The following RALB variants were observed in gnomAD, a reference collection of about 807,000 sequenced individuals.
RALB encodes ras-related protein Ral-B.
RALB carries 16 observed loss-of-function variants against 21.3 expected under a neutral mutation model. The ratio of observed to expected loss-of-function variants is 0.75; its 90% CI spans 0.51 to 1.14. RALB has a LOEUF of 1.14. Ranked by LOEUF, RALB falls within the 50% of genes most tolerant of loss-of-function variation. RALB has a pLI of 0.00. For missense variants in RALB, 161 were observed against 256.2 expected (o/e 0.63, Z 2.54); for synonymous variants, 93 against 96.1 (o/e 0.97, Z 0.19).
rs766337299 is a variant in RALB at position 120,293,552 on chromosome 2, A to G, written c.*292A>G. On this transcript the variant is annotated 3_prime_UTR_variant, in exon 5 of 5. Coordinates refer to ENST00000272519, the MANE Select transcript of RALB (RefSeq NM_002881.3). Reference sequence around the variant, plus strand: ...TGCCACAGATAGGAAACAGCTGTTAATTACAAAGAGAAAGAATTGTCATAG... The same window carrying G: ...TGCCACAGATAGGAAACAGCTGTTAGTTACAAAGAGAAAGAATTGTCATAG... The G allele has an allele frequency of 3.1e-5, 6 of 191,976 alleles. No individual in the cohort carries two copies. The highest frequency in any genetic ancestry group is 6.3e-5 in the Non-Finnish European group (6 of 94,626). 11.9% of individuals were successfully genotyped at this position (191,976 alleles called of 1,614,324 possible).
intron 1 of RALB, among the ~76,000 whole-genome samples, chr2:120,263,897 G>T (rs1689432158): frequency 1.3e-5 from 2 of 151,982 alleles, no homozygotes; most frequent in African/African-American, 4.8e-5. Flanking sequence ...GCCCAGGCTG[G>T]AGTGCAATGG....
At chr2:120,291,239 A>T (rs988025935) in intron 4 of RALB, among the ~76,000 whole-genome samples, 1 of 152,224 alleles carries the variant, frequency 6.6e-6, no homozygotes, top group African/African-American at 2.4e-5. Context: ...TACATATAGG[A>T]TACATATATT....
upstream of RALB, among the ~76,000 whole-genome samples, chr2:120,251,808 T>C (rs1689062070): frequency 6.6e-6 from 1 of 152,202 alleles, no homozygotes; most frequent in African/African-American, 2.4e-5. Flanking sequence ...CTGATTGCAC[T>C]TTTTTGTTAA....
At chr2:120,269,176 T>C (rs1689584941) in intron 1 of RALB, among the ~76,000 whole-genome samples, 1 of 152,198 alleles carries the variant, frequency 6.6e-6, no homozygotes, top group Non-Finnish European at 1.5e-5. Context: ...CTGCAGACCT[T>C]TGTGGTGAGT....
intron 3 of RALB, among the ~76,000 whole-genome samples, chr2:120,289,051 G>T (rs900136804): frequency 2.6e-5 from 4 of 152,080 alleles, no homozygotes; most frequent in African/African-American, 9.7e-5. Flanking sequence ...ACTGCAGGGG[G>T]GAGAAACTGC....
At chr2:120,243,314 G>C (rs1688922618) in intron 1 of RALB, among the ~76,000 whole-genome samples, 1 of 152,262 alleles carries the variant, frequency 6.6e-6, no homozygotes, top group Non-Finnish European at 1.5e-5. Flanking sequence ...AGAGGAGGAA[G>C]TGGGAGAAGT....
intron 2 of RALB, among the ~76,000 whole-genome samples, chr2:120,281,584 C>G (rs1034715601): frequency 6.6e-6 from 1 of 152,152 alleles, no homozygotes; most frequent in Non-Finnish European, 1.5e-5. Flanking sequence ...CTCCCCATGT[C>G]TTATAATGAG....
At chr2:120,259,630 G>C (rs1050232437) in intron 1 of RALB, among the ~76,000 whole-genome samples, 1 of 152,256 alleles carries the variant, frequency 6.6e-6, no homozygotes, top group Non-Finnish European at 1.5e-5. Context: ...TACAATCCAC[G>C]AGCTAGATAT....
chr2:120,264,302 C>T (rs1689444480), intron 1 of RALB, among the ~76,000 whole-genome samples: 1 of 151,908 alleles, frequency 6.6e-6, no homozygotes, highest in African/African-American at 2.4e-5. Flanking sequence ...CAGGCACCCA[C>T]CATCACACCC....
intron 1 of RALB, among the ~76,000 whole-genome samples, chr2:120,255,336 A>G (rs1573322465): frequency 6.6e-6 from 1 of 152,218 alleles, no homozygotes; most frequent in East Asian, 1.9e-4. Flanking sequence ...CACAGAGGAA[A>G]AGGAACTCTT....
At position 120,280,350 on chromosome 2, in the gene RALB, T is replaced by A. The variant is rs539805598; in HGVS notation, c.114+1572T>A. On this transcript the variant is annotated intron_variant, in intron 2 of 4. Transcript: ENST00000272519. Reference sequence around the variant, plus strand: ...CTGGATAAAGAAAATGTGGCACATATACACCATGGAATACTATGCAGCCAT... The same window carrying A: ...CTGGATAAAGAAAATGTGGCACATAAACACCATGGAATACTATGCAGCCAT... 2.9e-4 allele frequency among the ~76,000 whole-genome samples: 44 copies of A among 152,256 alleles called. 1 individual carries two copies. The South Asian group carries it at 3.5e-3, about 12-fold the overall frequency.
chr2:120,265,287 G>A (rs532789953), intron 1 of RALB, among the ~76,000 whole-genome samples: 1 of 152,262 alleles, frequency 6.6e-6, no homozygotes, highest in African/African-American at 2.4e-5. Flanking sequence ...TTACTGTACC[G>A]AATACCGTGG....
chr2:120,274,507 T>C (rs190708141), intron 1 of RALB, among the ~76,000 whole-genome samples: 61 of 152,218 alleles, frequency 4.0e-4, no homozygotes, highest in African/African-American at 1.4e-3. Flanking sequence ...GAAAGCTTGG[T>C]TATGTTCAGT....
chr2:120,269,316 A>T (rs1689592739), intron 1 of RALB, among the ~76,000 whole-genome samples: 1 of 152,222 alleles, frequency 6.6e-6, no homozygotes, highest in Non-Finnish European at 1.5e-5. Context: ...TGAGTGTTAT[A>T]GCTCTCAAAG....
At chr2:120,243,126 AGCACTGATTTGGT>A (rs956308592) in intron 1 of RALB, among the ~76,000 whole-genome samples, 1 of 152,172 alleles carries the variant, frequency 6.6e-6, no homozygotes, top group Admixed American at 6.5e-5. Context: ...GTCTCAGGTG[AGCACTGATTTGGT>A]GCATTGTGCT....
At chr2:120,288,523 T>C (rs964644149) in intron 3 of RALB, among the ~76,000 whole-genome samples, 2 of 151,968 alleles carry the variant, frequency 1.3e-5, no homozygotes, top group Admixed American at 1.3e-4. Flanking sequence ...CTATACCATA[T>C]AAAAATCAAT....
At chr2:120,273,950 G>A (rs567713847) in intron 1 of RALB, among the ~76,000 whole-genome samples, 4 of 152,182 alleles carry the variant, frequency 2.6e-5, no homozygotes, top group Non-Finnish European at 1.5e-5. Context: ...GGGAAGTATC[G>A]GGGTGTGTTG....
chr2:120,267,491 A>T (rs1224782813), intron 1 of RALB, among the ~76,000 whole-genome samples: 1 of 152,200 alleles, frequency 6.6e-6, no homozygotes, highest in Non-Finnish European at 1.5e-5. Flanking sequence ...GGGGAACTTG[A>T]CCAAGGAGGT....
In RALB at chr2:120,294,442, C is replaced by T; in HGVS notation, c.*1182C>T. 1 of 395,736 alleles carries T rather than the reference C, an allele frequency of 2.5e-6. No individual in the cohort carries two copies. Among genetic ancestry groups the T allele is most frequent in the Non-Finnish European group, 4.5e-6 (1 of 224,590 alleles). The allele number at this position is 395,736 out of a possible 1,614,324, so 24.5% of individuals were successfully genotyped here. On this transcript the variant is annotated 3_prime_UTR_variant, in exon 5 of 5. Transcript: ENST00000272519. ...GACATATCTTTAAACTTTCTTGCAT[C>T]AGTATTCTAAATTGAGCAAACTGAA...
Sources: allele counts gnomAD v4.1 joint callset (sites outside exome capture counted in the v4.1 genomes callset), GRCh38; gene constraint gnomAD v4.1.1; transcripts MANE v1.5; gene names NCBI Gene and HGNC (gene_info 2026-07-23, HGNC 2026-07-21).